The following TMEM170B variants were observed in gnomAD, a reference collection of about 807,000 sequenced individuals.
The protein encoded by TMEM170B is transmembrane protein 170B.
A neutral mutation model predicts 13.0 loss-of-function variants in TMEM170B; 6 were observed. That is an observed-to-expected ratio of 0.46 (90% confidence interval 0.25 to 0.91). TMEM170B has a LOEUF of 0.91. Ranked by LOEUF, TMEM170B falls within the 40% of genes least tolerant of loss-of-function variation. TMEM170B has a pLI of 0.17. For missense variants in TMEM170B, 138 were observed against 165.2 expected (o/e 0.84, Z 0.90); for synonymous variants, 61 against 64.9 (o/e 0.94, Z 0.29).
At chr6:11,545,278 C>G (rs1047931158) in intron 1 of TMEM170B, among the ~76,000 whole-genome samples, 19 of 89,742 alleles carry the variant, frequency 2.1e-4, no homozygotes, top group East Asian at 8.7e-4. Flanking sequence ...CTCTCTCTCT[C>G]TCTGTGTGTG....
At chr6:11,554,257 G>A (rs1759560491) in intron 1 of TMEM170B, among the ~76,000 whole-genome samples, 1 of 151,860 alleles carries the variant, frequency 6.6e-6, no homozygotes, top group Non-Finnish European at 1.5e-5. Flanking sequence ...TTTTAGGTTG[G>A]TGATTCAAAC....
At chr6:11,567,926 G>T (rs185398415) in intron 2 of TMEM170B, among the ~76,000 whole-genome samples, 2 of 152,328 alleles carry the variant, frequency 1.3e-5, no homozygotes, top group Non-Finnish European at 2.9e-5. Context: ...AAGCAGTTCA[G>T]TGGGAAATTT....
intron 1 of TMEM170B, among the ~76,000 whole-genome samples, chr6:11,554,303 A>G (rs1273395595): frequency 6.6e-6 from 1 of 152,006 alleles, no homozygotes; most frequent in Admixed American, 6.6e-5. Context: ...TGTATGATAC[A>G]TACAATTTAA....
chr6:11,539,835 G>A (rs971098157), intron 1 of TMEM170B, among the ~76,000 whole-genome samples: 1 of 152,070 alleles, frequency 6.6e-6, no homozygotes, highest in African/African-American at 2.4e-5. Flanking sequence ...TGAAAAGTAG[G>A]GACTTAACAT....
At chr6:11,550,535 A>T (rs531715827) in intron 1 of TMEM170B, among the ~76,000 whole-genome samples, 1 of 151,634 alleles carries the variant, frequency 6.6e-6, no homozygotes, top group East Asian at 1.9e-4. Flanking sequence ...ATATAAAAAA[A>T]CGTATACCCA....
At chr6:11,558,063 C>T (rs1346901836) in intron 1 of TMEM170B, among the ~76,000 whole-genome samples, 1 of 152,156 alleles carries the variant, frequency 6.6e-6, no homozygotes, top group Non-Finnish European at 1.5e-5. Context: ...GCTTATGCCA[C>T]CACACCTGAC....
rs1437683781 is a variant in TMEM170B at position 11,576,466 on chromosome 6, C to A, written c.*905C>A. 1.3e-5 allele frequency: 2 copies of A among 152,070 alleles called. No homozygotes were observed. The highest frequency in any genetic ancestry group is 2.9e-5 in the Non-Finnish European group (2 of 67,980). The allele number at this position is 152,070 out of a possible 1,614,324, so 9.4% of individuals were successfully genotyped here. A position where few individuals can be genotyped will look rare whatever the true frequency, so the allele number is the denominator to read the frequency against. On this transcript the variant is annotated 3_prime_UTR_variant, in exon 3 of 3. Coordinates refer to ENST00000379426, the MANE Select transcript of TMEM170B (RefSeq NM_001100829.3). ...AAGTTTTTGCCTTGTATCTCATGGACAAAACATCTTTATAACTAGTATCTC... is the reference window on the plus strand; with the variant it reads ...AAGTTTTTGCCTTGTATCTCATGGAAAAAACATCTTTATAACTAGTATCTC...
intron 2 of TMEM170B, among the ~76,000 whole-genome samples, chr6:11,571,447 C>T (rs1759800776): frequency 6.6e-6 from 1 of 152,170 alleles, no homozygotes; most frequent in African/African-American, 2.4e-5. Context: ...TGATGACTCT[C>T]CTGTTCCCCT....
chr6:11,541,168 G>T (rs79779008), intron 1 of TMEM170B, among the ~76,000 whole-genome samples: 2,736 of 152,284 alleles, frequency 0.018, 64 homozygotes, highest in African/African-American at 0.061. Flanking sequence ...AGCTGCATTA[G>T]CTCCTAAGAA....
chr6:11,547,833 C>A (rs963544204), intron 1 of TMEM170B, among the ~76,000 whole-genome samples: 4 of 152,082 alleles, frequency 2.6e-5, no homozygotes, highest in African/African-American at 9.7e-5. Flanking sequence ...CTGGATATGT[C>A]TTGGGACTGC....
chr6:11,544,358 T>A (rs543917675), intron 1 of TMEM170B, among the ~76,000 whole-genome samples: 2 of 152,270 alleles, frequency 1.3e-5, no homozygotes, highest in East Asian at 3.9e-4. Context: ...AAATCTGAAG[T>A]CTGAAATCCT....
At position 11,549,080 on chromosome 6, in the gene TMEM170B, A is replaced by T. The variant is rs548448835; in HGVS notation, c.97+10706A>T. Among the ~76,000 whole-genome samples the T allele has an allele frequency of 2.6e-5, 4 of 152,242 alleles. No homozygotes were observed. The East Asian group carries it at 5.8e-4, about 22-fold the overall frequency. On this transcript the variant is annotated intron_variant, in intron 1 of 2. Coordinates refer to ENST00000379426, the MANE Select transcript of TMEM170B (RefSeq NM_001100829.3). ...CTAGAACTTAAAGTATAATAATAAT[A>T]AAAAAAGAGTGGTCAGAGGTAAGAG...
chr6:11,542,847 C>T (rs1759380177), intron 1 of TMEM170B, among the ~76,000 whole-genome samples: 1 of 152,156 alleles, frequency 6.6e-6, no homozygotes, highest in Non-Finnish European at 1.5e-5. Context: ...TGTTGAATGG[C>T]CGCTGTGTGT....
intron 1 of TMEM170B, among the ~76,000 whole-genome samples, chr6:11,549,498 C>T (rs551656676): frequency 2.0e-5 from 3 of 151,336 alleles, no homozygotes; most frequent in Admixed American, 6.6e-5. Flanking sequence ...CCCGTCTCTA[C>T]TAAAAATACA....
chr6:11,570,322 T>A (rs1314193826), intron 2 of TMEM170B, among the ~76,000 whole-genome samples: 1 of 152,154 alleles, frequency 6.6e-6, no homozygotes, highest in African/African-American at 2.4e-5. Flanking sequence ...GAAATACTAT[T>A]AAGCTTTGTA....
rs1759485643 is a variant in TMEM170B, at chr6:11,549,310, A to G, written c.97+10936A>G. Among the ~76,000 whole-genome samples the G allele has an allele frequency of 2.4e-5, 3 of 127,164 alleles. No individual in the cohort carries two copies. The South Asian group carries it at 6.7e-4, about 28-fold the overall frequency. The allele number at this position is 127,164 out of a possible 152,430, so 83.4% of individuals were successfully genotyped here. On this transcript the variant is annotated intron_variant, in intron 1 of 2. Transcript: ENST00000379426. Reference sequence around the variant, plus strand: ...ATAGGTTAATTTTTTATTTTAAATGACTAACTACATGAACAGTAAAATAAT... The same window carrying G: ...ATAGGTTAATTTTTTATTTTAAATGGCTAACTACATGAACAGTAAAATAAT...
At position 11,576,949 on chromosome 6, in the gene TMEM170B, G is replaced by A. The variant is rs1759882140; in HGVS notation, c.*1388G>A. ...TTGTAAGAGTATAGGAAGTAGGGTT[G>A]AACTGGTCTCCTAATGAGATTTTTT... On this transcript the variant is annotated 3_prime_UTR_variant, in exon 3 of 3. Coordinates refer to ENST00000379426, the MANE Select transcript of TMEM170B (RefSeq NM_001100829.3). 6.6e-6 allele frequency: 1 copy of A among 152,100 alleles called. No homozygotes were observed. The highest frequency in any genetic ancestry group is 2.4e-5 in the African/African-American group (1 of 41,436). The allele number at this position is 152,100 out of a possible 1,614,324, so 9.4% of individuals were successfully genotyped here.
intron 1 of TMEM170B, among the ~76,000 whole-genome samples, chr6:11,538,919 C>T (rs951294063): frequency 6.6e-6 from 1 of 152,178 alleles, no homozygotes; most frequent in Non-Finnish European, 1.5e-5. Context: ...GAGCTAAGGT[C>T]TAGTGCGGTC....
At chr6:11,568,171 T>TA (rs1410129841) in intron 2 of TMEM170B, among the ~76,000 whole-genome samples, 5 of 152,030 alleles carry the variant, frequency 3.3e-5, no homozygotes, top group Admixed American at 6.5e-5. Flanking sequence ...GAAGAGGAAT[T>TA]AAGAGGCATT....
Sources: allele counts gnomAD v4.1 joint callset (sites outside exome capture counted in the v4.1 genomes callset), GRCh38; gene constraint gnomAD v4.1.1; transcripts MANE v1.5; gene names NCBI Gene and HGNC (gene_info 2026-07-23, HGNC 2026-07-21).